The following CLEC16A variants were observed in gnomAD, a reference collection of about 807,000 sequenced individuals.
CLEC16A encodes the protein protein CLEC16A.
CLEC16A carries 51 observed loss-of-function variants against 109.5 expected under a neutral mutation model. The observed-to-expected ratio is 0.47, with a 90% CI of 0.37 to 0.59. The LOEUF is 0.59. Among genes scored for constraint, CLEC16A ranks in the 20% least tolerant of loss-of-function variants. The pLI, the probability that CLEC16A is intolerant of heterozygous loss-of-function variation, is 0.00. For synonymous variants in CLEC16A, 673 were observed against 564.2 expected (o/e 1.19, Z -2.73); for missense variants, 1,339 against 1,394.0 (o/e 0.96, Z 0.63).
intron 22 of CLEC16A, among the ~76,000 whole-genome samples, chr16:11,139,422 T>C (rs2153063528): frequency 6.6e-6 from 1 of 152,386 alleles, no homozygotes; most frequent in Non-Finnish European, 1.5e-5. Flanking sequence ...AGTATAAATA[T>C]GCTTTTCTCC....
chr16:11,042,649 G>A (rs1280191474), intron 15 of CLEC16A, among the ~76,000 whole-genome samples: 2 of 151,922 alleles, frequency 1.3e-5, no homozygotes, highest in East Asian at 1.9e-4. Flanking sequence ...TTTTTTCTTT[G>A]GTATTACAAA....
intron 17 of CLEC16A, chr16:11,048,538 A>T (rs2047756650): frequency 6.6e-6 from 1 of 152,194 alleles, no homozygotes; most frequent in South Asian, 2.1e-4. Flanking sequence ...GCGTGCACTA[A>T]TTGGCTCCTT....
chr16:10,952,500 G>GACA (rs1199950600), intron 1 of CLEC16A, among the ~76,000 whole-genome samples: 2 of 152,256 alleles, frequency 1.3e-5, no homozygotes, highest in South Asian at 2.1e-4. Flanking sequence ...CTCAGAAAAT[G>GACA]ACAACAACAA....
chr16:11,180,081 C>A lies in CLEC16A; in HGVS notation c.*1391C>A, dbSNP rs1203762833. The A allele has an allele frequency of 3.9e-5, 6 of 152,336 alleles. No homozygotes were observed. The East Asian group carries it at 1.2e-3, about 29-fold the overall frequency. 9.4% of individuals were successfully genotyped at this position (152,336 alleles called of 1,614,324 possible). A position where few individuals can be genotyped will look rare whatever the true frequency, so the allele number is the denominator to read the frequency against. On this transcript the variant is annotated 3_prime_UTR_variant, in exon 24 of 24. Coordinates refer to ENST00000409790, the MANE Select transcript of CLEC16A (RefSeq NM_015226.3). Reference sequence around the variant, plus strand: ...TCCTCCAGACCTGCCAGCAGATGTGCCCACCAGGGGCATTAGGTATCCGCC... The same window carrying A: ...TCCTCCAGACCTGCCAGCAGATGTGACCACCAGGGGCATTAGGTATCCGCC...
At chr16:10,957,728 T>C in intron 1 of CLEC16A, 54 bp from the exon 2 acceptor site, 1 of 1,594,324 alleles carries the variant, frequency 6.3e-7, no homozygotes, top group Non-Finnish European at 8.6e-7. Context: ...TCATGGAACT[T>C]GGCTTGCATT....
intron 10 of CLEC16A, among the ~76,000 whole-genome samples, chr16:10,983,310 C>T (rs1460533940): frequency 2.6e-5 from 4 of 152,230 alleles, no homozygotes; most frequent in Non-Finnish European, 5.9e-5. Flanking sequence ...CTAATGTCTA[C>T]AGAAGTTGGG....
At chr16:11,089,694 C>CTA (rs2050198420) in intron 19 of CLEC16A, among the ~76,000 whole-genome samples, 1 of 152,198 alleles carries the variant, frequency 6.6e-6, no homozygotes, top group African/African-American at 2.4e-5. Flanking sequence ...TCAGAAGTGG[C>CTA]TATGGGAATT....
In CLEC16A at chr16:11,055,911, C is replaced by T. The variant is rs76110307; in HGVS notation, c.1995+4270C>T. Among the ~76,000 whole-genome samples the T allele has an allele frequency of 1.8e-3, 273 of 152,230 alleles. 1 individual carries two copies. The highest frequency in any genetic ancestry group is 3.3e-3 in the Non-Finnish European group (222 of 68,000). ...GCCCTCTCTTGCATTTTAAAAACCA[C>T]ATCACTTATTCTTTCTTTCAACATA... is the stretch of plus-strand genomic sequence containing the variant. On this transcript the variant is annotated intron_variant, in intron 18 of 23. Transcript: ENST00000409790.
At chr16:10,964,031 G>T (rs1199945191) in intron 3 of CLEC16A, among the ~76,000 whole-genome samples, 1 of 152,274 alleles carries the variant, frequency 6.6e-6, no homozygotes, top group Non-Finnish European at 1.5e-5. Flanking sequence ...CCCGCCAGAA[G>T]TGGGGGACAA....
intron 8 of CLEC16A, 137 bp downstream of exon 8, chr16:10,977,536 C>A (rs142446236): frequency 2.3e-6 from 2 of 855,920 alleles, no homozygotes; most frequent in Non-Finnish European, 1.7e-6. Context: ...TTTTAAAAGA[C>A]GGAGTTTTGC....
intron 18 of CLEC16A, 55 bp from the exon 19 acceptor site, chr16:11,060,847 C>A (rs2048442355): frequency 2.7e-6 from 4 of 1,482,206 alleles, no homozygotes; most frequent in Non-Finnish European, 9.0e-7. Flanking sequence ...TGGGGCATCT[C>A]ACTGAAATGA....
At chr16:11,088,620 C>G (rs1158539417) in intron 19 of CLEC16A, among the ~76,000 whole-genome samples, 1 of 152,228 alleles carries the variant, frequency 6.6e-6, no homozygotes, top group Non-Finnish European at 1.5e-5. Context: ...AGGCCCCCAG[C>G]CACGCGCGGA....
intron 19 of CLEC16A, among the ~76,000 whole-genome samples, chr16:11,097,891 G>A (rs577353220): frequency 6.6e-6 from 1 of 152,344 alleles, no homozygotes; most frequent in South Asian, 2.1e-4. Context: ...TTGGCTCAGG[G>A]TATGACCTTG....
rs539335726 is a variant in CLEC16A at position 11,049,327 on chromosome 16, A to C, written c.1866+1985A>C. Among the ~76,000 whole-genome samples the C allele has an allele frequency of 3.9e-5, 6 of 152,094 alleles. No homozygotes were observed. The South Asian group carries it at 1.2e-3, about 32-fold the overall frequency. ...GGCAATTTTTTTTTTTAAATCCGTA[A>C]GGTGGGGGATCCCTACCTCATAGCC... On this transcript the variant is annotated intron_variant, in intron 17 of 23. Coordinates refer to ENST00000409790, the MANE Select transcript of CLEC16A (RefSeq NM_015226.3).
intron 12 of CLEC16A, among the ~76,000 whole-genome samples, chr16:11,020,541 G>A (rs768632877): frequency 8.0e-6 from 1 of 124,640 alleles, no homozygotes; most frequent in African/African-American, 3.8e-5. Flanking sequence ...AAAGAGATTC[G>A]CCAGGATAGC....
chr16:11,176,813 C>T (rs988841657), intron 23 of CLEC16A, among the ~76,000 whole-genome samples: 3 of 152,124 alleles, frequency 2.0e-5, no homozygotes, highest in East Asian at 1.9e-4. Context: ...GGAGAAATGC[C>T]GGTGTGTGCT....
At position 11,081,896 on chromosome 16, in the gene CLEC16A, G is replaced by A. The variant is rs117962818; in HGVS notation, c.2116+20874G>A. Among the ~76,000 whole-genome samples, 792 of 152,262 alleles carry A rather than the reference G, an allele frequency of 5.2e-3. 6 individuals carry two copies. The highest frequency in any genetic ancestry group is 7.5e-3 in the Non-Finnish European group (509 of 68,010). ...ATGAGAACAAAAGTAGCCAGGTGTG[G>A]TGGCATGCACCTGTAGTCCCAGCTA... On this transcript the variant is annotated intron_variant, in intron 19 of 23. Coordinates refer to ENST00000409790, the MANE Select transcript of CLEC16A (RefSeq NM_015226.3).
At chr16:11,039,994 A>G in intron 14 of CLEC16A, 118 bp downstream of exon 14, 1 of 1,262,186 alleles carries the variant, frequency 7.9e-7, no homozygotes, top group Non-Finnish European at 1.1e-6. Context: ...GGCCCATCCC[A>G]ACCTCTCCCT....
chr16:10,994,547 T>C (rs919209267), intron 10 of CLEC16A, among the ~76,000 whole-genome samples: 3 of 152,142 alleles, frequency 2.0e-5, no homozygotes, highest in Admixed American at 1.3e-4. Flanking sequence ...TCTCTGTGTT[T>C]ATCAGGTAAA....
Sources: gnomAD v4.1 joint callset for allele counts (sites outside exome capture counted in the v4.1 genomes callset) on GRCh38, gnomAD v4.1.1 for gene constraint, MANE v1.5 for transcripts, NCBI Gene and HGNC (gene_info 2026-07-23, HGNC 2026-07-21) for gene names.